PTK6: variants seen among roughly 807,000 people sequenced by gnomAD.
The protein encoded by PTK6 is protein-tyrosine kinase 6.
A neutral mutation model predicts 47.5 loss-of-function variants in PTK6; 47 were observed. The ratio of observed to expected loss-of-function variants is 0.99; its 90% confidence interval spans 0.78 to 1.26. PTK6 has a LOEUF of 1.26. PTK6 is among the 50% of genes most tolerant of loss of function. The probability of loss-of-function intolerance (pLI) is 0.00; values close to 1 mark genes in which losing one functional copy is unlikely to be tolerated. For synonymous variants in PTK6, 287 were observed against 276.5 expected (o/e 1.04, Z -0.38); for missense variants, 618 against 625.3 (o/e 0.99, Z 0.12).
chr20:63,534,427 G>T, intron 2 of PTK6, 112 bp from the exon 3 acceptor site: 1 of 1,362,590 alleles, frequency 7.3e-7, no homozygotes, highest in South Asian at 1.4e-5. Flanking sequence ...AGTTGCTGTT[G>T]GTGCTTCCTC....
intron 5 of PTK6, 38 bp downstream of exon 5, chr20:63,532,488 C>T (rs557913382): frequency 9.5e-6 from 15 of 1,580,664 alleles, no homozygotes; most frequent in Admixed American, 3.4e-5. Flanking sequence ...CACGTGCCCC[C>T]GCTGCCTCCA....
Position 63,530,875 on chromosome 20 carries a change from C to G in PTK6, c.885G>C (p.Gln295His). The change falls in exon 6 of 8, where the codon CAG becomes CAC. Residue 295 changes from glutamine (Q) to histidine (H), a missense_variant. Physicochemically the swap from Gln to His is conservative, Grantham distance 24. Transcript: ENST00000542869. This position sits in a 1 kb window ranked among gnomAD's most constrained non-coding sequence, Gnocchi z 4.1. ...CCAGGTAACACATGCCCTCAGCCACCTGCCAGGCGATGTCCAGCAGCTCCG... is the reference window on the plus strand; with the variant it reads ...CCAGGTAACACATGCCCTCAGCCACGTGCCAGGCGATGTCCAGCAGCTCCG... Reference protein sequence around the residue: ...PVSELLDIAWQVAEGMCYLES... With the variant: ...PVSELLDIAWHVAEGMCYLES... 6.2e-7 allele frequency: 1 copy of G among 1,613,842 alleles called. No individual in the cohort carries two copies. Among genetic ancestry groups the G allele is most frequent in the Non-Finnish European group, 8.5e-7 (1 of 1,179,932 alleles).
chr20:63,534,371 C>T, intron 2 of PTK6, 56 bp from the exon 3 acceptor site: 1 of 1,510,940 alleles, frequency 6.6e-7, no homozygotes, highest in East Asian at 2.4e-5. Flanking sequence ...CTCCCTGCGT[C>T]CCCAGCCCTG....
chr20:63,529,667 G>A lies in PTK6; in HGVS notation c.1225C>T (p.Pro409Ser). 1 of 1,547,170 alleles carries A rather than the reference G, an allele frequency of 6.5e-7. No individual in the cohort carries two copies. Among genetic ancestry groups the A allele is most frequent in the Non-Finnish European group, 8.7e-7 (1 of 1,146,000 alleles). The change falls in exon 8 of 8, where the codon CCT becomes TCT. Residue 409 changes from proline to serine, a missense_variant. Pro to Ser is a moderately conservative substitution (Grantham distance 74). Transcript: ENST00000542869. This position sits in a 1 kb window ranked among gnomAD's most constrained non-coding sequence, Gnocchi z 5.6. ...RVDAGYRMPC[P>S]LECPPSVHKL... is the part of the protein sequence containing the mutation. Reference sequence around the variant, plus strand: ...TGCACGCTGGGCGGGCACTCCAGAGGGCAGGGCATGCGGTAGCCGGCGTCC... The same window carrying A: ...TGCACGCTGGGCGGGCACTCCAGAGAGCAGGGCATGCGGTAGCCGGCGTCC...
chr20:63,530,096 C>T lies in PTK6; in HGVS notation c.1150G>A (p.Gly384Ser). 6.2e-7 allele frequency: 1 copy of T among 1,613,988 alleles called. No individual in the cohort carries two copies. The highest frequency in any genetic ancestry group is 2.2e-5 in the East Asian group (1 of 44,888). The part of the protein sequence containing the change: ...GILLHEMFSR[G>S]QVPYPGMSNH... ...ACAGTACCTGGGTAGGGCACCTGAC[C>T]CCTGCTGAACATCTCATGCAGGAGA... The change falls in exon 7 of 8, where the codon GGT becomes AGT. Residue 384 changes from glycine to serine, a missense_variant. By Grantham distance (56) the Gly-to-Ser change is moderately conservative. Coordinates refer to ENST00000542869, the MANE Select transcript of PTK6 (RefSeq NM_005975.4). This position sits in a 1 kb window ranked among gnomAD's most constrained non-coding sequence, Gnocchi z 4.1.
In PTK6 at chr20:63,534,247, C is replaced by T. The variant is rs148770935; in HGVS notation, c.421G>A (p.Glu141Lys). The change falls in exon 3 of 8, where the codon GAG (glutamate) becomes AAG (lysine). Residue 141 changes from glutamate (E) to lysine (K), a missense_variant. Glu to Lys is a moderately conservative substitution (Grantham distance 56). Coordinates refer to ENST00000542869, the MANE Select transcript of PTK6 (RefSeq NM_005975.4). ...GGCAGGCTGAGGAAGGACACCGCCTCGTTCAGGTGCAGCCGGCCCCCGGCA... is the reference window on the plus strand; with the variant it reads ...GGCAGGCTGAGGAAGGACACCGCCTTGTTCAGGTGCAGCCGGCCCCCGGCA... ...RRAGGRLHLN[E>K]AVSFLSLPEL... 28 of 1,607,270 alleles carry T rather than the reference C, an allele frequency of 1.7e-5. 1 individual carries two copies. The highest frequency in any genetic ancestry group is 5.3e-5 in the African/African-American group (4 of 74,832).
At position 63,530,626 on chromosome 20, in the gene PTK6, T is replaced by G; in HGVS notation, c.1014+120A>C. ...TCCCACCTCCCTGCCCAGCCTGGGCTCCCGAGGGCAGGGGCCGCATCCTGC... is the reference window on the plus strand; with the variant it reads ...TCCCACCTCCCTGCCCAGCCTGGGCGCCCGAGGGCAGGGGCCGCATCCTGC... On this transcript the variant is annotated intron_variant, in intron 6 of 7. Coordinates refer to ENST00000542869, the MANE Select transcript of PTK6 (RefSeq NM_005975.4). This position sits in a 1 kb window ranked among gnomAD's most constrained non-coding sequence, Gnocchi z 4.1. The G allele has an allele frequency of 2.4e-6, 3 of 1,268,564 alleles. No homozygotes were observed. The highest frequency in any genetic ancestry group is 3.2e-6 in the Non-Finnish European group (3 of 931,900). The allele number at this position is 1,268,564 out of a possible 1,614,324, so 78.6% of individuals were successfully genotyped here. A position where few individuals can be genotyped will look rare whatever the true frequency, so the allele number is the denominator to read the frequency against.
Position 63,529,699 on chromosome 20 carries a change from A to G in PTK6, c.1193T>C (p.Leu398Pro). ...CATGCGGTAGCCGGCGTCCACCCTCAGGAAGGCCTCATGGTTGGACATGCC... is the reference window on the plus strand; with the variant it reads ...CATGCGGTAGCCGGCGTCCACCCTCGGGAAGGCCTCATGGTTGGACATGCC... ...YPGMSNHEAF[L>P]RVDAGYRMPC... The change falls in exon 8 of 8, where the codon CTG becomes CCG. Residue 398 changes from leucine to proline, a missense_variant. Leu to Pro is a moderately conservative substitution (Grantham distance 98). Coordinates refer to ENST00000542869, the MANE Select transcript of PTK6 (RefSeq NM_005975.4). The surrounding 1 kb of genome is among the most constrained non-coding windows in gnomAD (Gnocchi z 5.6). The G allele has an allele frequency of 6.5e-7, 1 of 1,546,052 alleles. No homozygotes were observed. Among genetic ancestry groups the G allele is most frequent in the African/African-American group, 1.4e-5 (1 of 72,808 alleles).
intron 2 of PTK6, 179 bp downstream of exon 2, chr20:63,534,759 G>A: frequency 1.0e-6 from 1 of 983,530 alleles, no homozygotes; most frequent in Non-Finnish European, 1.4e-6. Context: ...TACCCTAGCA[G>A]CCAGTGACCC....
Position 63,532,480 on chromosome 20 carries a change from C to T in PTK6, c.832+46G>A, listed in dbSNP as rs773914474. On this transcript the variant is annotated intron_variant, in intron 5 of 7. Coordinates refer to ENST00000542869, the MANE Select transcript of PTK6 (RefSeq NM_005975.4). Reference sequence around the variant, plus strand: ...GGGGGGTGTGCACTTTATTTCCTCACGTGCCCCCGCTGCCTCCAGCAAGAG... The same window carrying T: ...GGGGGGTGTGCACTTTATTTCCTCATGTGCCCCCGCTGCCTCCAGCAAGAG... 12 of 1,566,870 alleles carry T rather than the reference C, an allele frequency of 7.7e-6. No individual in the cohort carries two copies. In the Middle Eastern group the frequency reaches 8.4e-4, roughly 109 times the overall value.
Position 63,534,919 on chromosome 20 carries a change from TCGGAGGCCGGG to T in PTK6, c.352+8_352+18del. 1 of 1,582,408 alleles carries T rather than the reference TCGGAGGCCGGG, an allele frequency of 6.3e-7. No individual in the cohort carries two copies. Among genetic ancestry groups the T allele is most frequent in the Non-Finnish European group, 8.6e-7 (1 of 1,163,168 alleles). ...GGAGCCCCCGCAGGCAAGCACAGGCTCGGAGGCCGGGGCCGCACCCGACAGGACGTAGTCGG... is the reference window on the plus strand; with the variant it reads ...GGAGCCCCCGCAGGCAAGCACAGGCTGCCGCACCCGACAGGACGTAGTCGG... On this transcript the variant is annotated splice_region_variant and intron_variant, in intron 2 of 7. Coordinates refer to ENST00000542869, the MANE Select transcript of PTK6 (RefSeq NM_005975.4).
chr20:63,533,490 G>C lies in PTK6; in HGVS notation c.670+61C>G. 1 of 1,508,820 alleles carries C rather than the reference G, an allele frequency of 6.6e-7. No homozygotes were observed. Among genetic ancestry groups the C allele is most frequent in the Non-Finnish European group, 8.9e-7 (1 of 1,124,366 alleles). The allele number at this position is 1,508,820 out of a possible 1,614,324, so 93.5% of individuals were successfully genotyped here. On this transcript the variant is annotated intron_variant, in intron 4 of 7. Coordinates refer to ENST00000542869, the MANE Select transcript of PTK6 (RefSeq NM_005975.4). The surrounding 1 kb of genome is among the most constrained non-coding windows in gnomAD (Gnocchi z 4.0). Reference sequence around the variant, plus strand: ...GAGGCCAGAGGTCCCTGTTGGCGGGGTGGGAGGGTGGCCCAGGGCAGGCAC... The same window carrying C: ...GAGGCCAGAGGTCCCTGTTGGCGGGCTGGGAGGGTGGCCCAGGGCAGGCAC...
rs1302188313 is a variant in PTK6, at chr20:63,530,927, T to G, written c.833A>C (p.Asp278Ala). The part of the protein sequence containing the change: ...AKGSLLELLR[D>A]SDEKVLPVSE... ...AACGGGCAGGACTTTCTCATCAGAG[T>G]CTGCAGAGGGGAGTGGAGCAGAGCC... The change falls in exon 6 of 8, where the codon GAC (aspartate) becomes GCC (alanine). Residue 278 changes from aspartate (D) to alanine (A), a missense_variant and splice_region_variant. Physicochemically the swap from Asp to Ala is moderately radical, Grantham distance 126 (BLOSUM62 -2). Coordinates refer to ENST00000542869, the MANE Select transcript of PTK6 (RefSeq NM_005975.4). This position sits in a 1 kb window ranked among gnomAD's most constrained non-coding sequence, Gnocchi z 4.1. The G allele has an allele frequency of 6.2e-7, 1 of 1,604,698 alleles. No homozygotes were observed. Among genetic ancestry groups the G allele is most frequent in the Admixed American group, 1.7e-5 (1 of 58,492 alleles).
At position 63,529,675 on chromosome 20, in the gene PTK6, A is replaced by G; in HGVS notation, c.1217T>C (p.Met406Thr). 1.3e-6 allele frequency: 2 copies of G among 1,546,486 alleles called. No individual in the cohort carries two copies. The highest frequency in any genetic ancestry group is 1.7e-6 in the Non-Finnish European group (2 of 1,145,736). The stretch of plus-strand genomic sequence containing the variant: ...GGGCGGGCACTCCAGAGGGCAGGGC[A>G]TGCGGTAGCCGGCGTCCACCCTCAG... ...AFLRVDAGYR[M>T]PCPLECPPSV... The change falls in exon 8 of 8, where the codon ATG becomes ACG. Residue 406 changes from methionine (M) to threonine (T), a missense_variant. Coordinates refer to ENST00000542869, the MANE Select transcript of PTK6 (RefSeq NM_005975.4). This position sits in a 1 kb window ranked among gnomAD's most constrained non-coding sequence, Gnocchi z 5.6.
At position 63,537,110 on chromosome 20, in the gene PTK6, C is replaced by A. The variant is rs368004687; in HGVS notation, c.205G>T (p.Glu69Ter). 3 of 1,610,398 alleles carry A rather than the reference C, an allele frequency of 1.9e-6. No individual in the cohort carries two copies. The highest frequency in any genetic ancestry group is 3.3e-5 in the Admixed American group (2 of 59,860). Residue 69 changes from glutamate (E) to a stop codon, truncating the protein, a stop_gained, in exon 1 of 8, where the codon GAG becomes TAG. Transcript: ENST00000542869. LOFTEE classifies it high-confidence loss of function. ...GGTTCCGACTCCACCGTCTCCCTCT[C>A]GGCCAGGTAGTTGTGGGGCACATAG... ...QGYVPHNYLA[E>*]RETVESEPWF... is the part of the protein sequence containing the mutation.
In PTK6 at chr20:63,530,746, C is replaced by T. The variant is rs377037917; in HGVS notation, c.1014G>A (p.Lys338=). 2 of 1,613,794 alleles carry T rather than the reference C, an allele frequency of 1.2e-6. No homozygotes were observed. Among genetic ancestry groups the T allele is most frequent in the Admixed American group, 3.3e-5 (2 of 59,972 alleles). The change falls in exon 6 of 8, where the codon AAG becomes AAA. Residue 338 remains lysine (K), a splice_region_variant and synonymous_variant. Coordinates refer to ENST00000542869, the MANE Select transcript of PTK6 (RefSeq NM_005975.4). This position sits in a 1 kb window ranked among gnomAD's most constrained non-coding sequence, Gnocchi z 4.1. ...VGDFGLARLI[K]EDVYLSHDHN... ...CAGCCACGCCCTCTGAGGGCCCTAC[C>T]TTGATAAGCCTGGCTAACCCGAAGT...
In PTK6 at chr20:63,534,937, C is replaced by A. The variant is rs1337620471; in HGVS notation, c.352+1G>T. The A allele has an allele frequency of 6.3e-7, 1 of 1,595,294 alleles. No homozygotes were observed. Among genetic ancestry groups the A allele is most frequent in the East Asian group, 2.3e-5 (1 of 44,252 alleles). On this transcript the variant is annotated splice_donor_variant, in intron 2 of 7. Transcript: ENST00000542869. LOFTEE classifies it high-confidence loss of function. ...CACAGGCTCGGAGGCCGGGGCCGCACCCGACAGGACGTAGTCGGCACTCGG... is the reference window on the plus strand; with the variant it reads ...CACAGGCTCGGAGGCCGGGGCCGCAACCGACAGGACGTAGTCGGCACTCGG...
chr20:63,530,690 C>T lies in PTK6; in HGVS notation c.1014+56G>A, dbSNP rs2082611226. ...CCCAGCTCCACACACAGGAAGCCCC[C>T]AGCCCTCCGGCCACGCCCCGGCCAC... On this transcript the variant is annotated intron_variant, in intron 6 of 7. Transcript: ENST00000542869. The surrounding 1 kb of genome is among the most constrained non-coding windows in gnomAD (Gnocchi z 4.1). The T allele has an allele frequency of 6.3e-7, 1 of 1,582,710 alleles. No homozygotes were observed. Among genetic ancestry groups the T allele is most frequent in the Non-Finnish European group, 8.6e-7 (1 of 1,159,994 alleles).
At chr20:63,534,834 GT>G in intron 2 of PTK6, 103 bp downstream of exon 2, 1 of 1,424,138 alleles carries the variant, frequency 7.0e-7, no homozygotes, top group Non-Finnish European at 9.3e-7. Flanking sequence ...AGGAGCCCAT[GT>G]CCCCCGTCTC....
Sources: gnomAD v4.1 joint callset for allele counts on GRCh38, gnomAD v4.1.1 for gene constraint, Gnocchi (gnomAD v3.1) non-coding constraint, MANE v1.5 for transcripts, NCBI Gene and HGNC (gene_info 2026-07-23, HGNC 2026-07-21) for gene names.